PCDHGA1: variants seen among roughly 807,000 people sequenced by gnomAD.
PCDHGA1 encodes the protein protocadherin gamma-A1.
In PCDHGA1, 32 loss-of-function variants were observed where a neutral mutation model predicts 58.0. The ratio of observed to expected loss-of-function variants is 0.55; its 90% CI spans 0.42 to 0.74. The LOEUF (loss-of-function observed/expected upper bound fraction) is 0.74. Among genes scored for constraint, PCDHGA1 ranks in the 30% least tolerant of loss-of-function variants. The pLI, the probability that PCDHGA1 is intolerant of heterozygous loss-of-function variation, is 0.00. For missense variants in PCDHGA1, 1,205 were observed against 1,182.3 expected (o/e 1.02, Z -0.28); for synonymous variants, 498 against 501.1 (o/e 0.99, Z 0.08).
chr5:141,371,562 T>G, intron 1 of PCDHGA1: 1 of 1,613,852 alleles, frequency 6.2e-7, no homozygotes, highest in Non-Finnish European at 8.5e-7. Context: ...AAAAGGAAAC[T>G]TCCCCTTTAA....
intron 1 of PCDHGA1, chr5:141,375,334 G>C (rs1417595608): frequency 1.9e-6 from 3 of 1,613,802 alleles, no homozygotes; most frequent in East Asian, 2.2e-5. Context: ...AGGTATTCTT[G>C]TACAACATCA....
chr5:141,372,920 T>A (rs1390656899), intron 1 of PCDHGA1: 22 of 1,005,592 alleles, frequency 2.2e-5, no homozygotes, highest in Non-Finnish European at 3.0e-5. Context: ...ATTTTATTGA[T>A]TTTCTGGTGT....
chr5:141,413,747 A>C, intron 1 of PCDHGA1: 1 of 1,613,348 alleles, frequency 6.2e-7, no homozygotes. Flanking sequence ...AGCCGTGCCA[A>C]TGGCGTCAAG....
intron 1 of PCDHGA1, chr5:141,405,031 CGTT>C: frequency 6.2e-7 from 1 of 1,613,968 alleles, no homozygotes; most frequent in Admixed American, 1.7e-5. Flanking sequence ...CCCTCTACCT[CGTT>C]GTGGCTGTGG....
At chr5:141,390,486 G>A (rs1348752991) in intron 1 of PCDHGA1, 3 of 649,258 alleles carry the variant, frequency 4.6e-6, no homozygotes, top group Non-Finnish European at 7.7e-6. Context: ...ACATTTGTTT[G>A]TTTTTTAGCC....
At chr5:141,357,171 C>A (rs1043830490) in intron 1 of PCDHGA1, 1 of 1,613,704 alleles carries the variant, frequency 6.2e-7, no homozygotes. Context: ...TCTCGGCCAC[C>A]GTCACACTCA....
At chr5:141,350,225 T>C in intron 1 of PCDHGA1, 1 of 1,498,610 alleles carries the variant, frequency 6.7e-7, no homozygotes, top group Non-Finnish European at 8.9e-7. Flanking sequence ...TTGAAAAACA[T>C]CCCAGAGGAA....
At chr5:141,450,055 G>A (rs1325291695) in intron 1 of PCDHGA1, among the ~76,000 whole-genome samples, 2 of 137,594 alleles carry the variant, frequency 1.5e-5, no homozygotes, top group Non-Finnish European at 3.0e-5. Flanking sequence ...CGCCCAGGCT[G>A]GAATGCAGTG....
chr5:141,407,591 C>T (rs878883569), intron 1 of PCDHGA1, among the ~76,000 whole-genome samples: 1 of 151,680 alleles, frequency 6.6e-6, no homozygotes, highest in Non-Finnish European at 1.5e-5. Flanking sequence ...CTTAATGTCT[C>T]ATCTTAAAAA....
At position 141,477,868 on chromosome 5, in the gene PCDHGA1, C is replaced by G; in HGVS notation, c.2422-16939C>G. Reference sequence around the variant, plus strand: ...CGGTGGAGATGCTGCCTCGAGGTACCTCAGCTGGCCACCTAGTGTCACGGG... The same window carrying G: ...CGGTGGAGATGCTGCCTCGAGGTACGTCAGCTGGCCACCTAGTGTCACGGG... On this transcript the variant is annotated intron_variant, in intron 1 of 3. Coordinates refer to ENST00000517417, the MANE Select transcript of PCDHGA1 (RefSeq NM_018912.3). The surrounding 1 kb of genome is among the most constrained non-coding windows in gnomAD (Gnocchi z 4.9). 1 of 1,613,750 alleles carries G rather than the reference C, an allele frequency of 6.2e-7. No individual in the cohort carries two copies. Among genetic ancestry groups the G allele is most frequent in the Non-Finnish European group, 8.5e-7 (1 of 1,179,908 alleles).
chr5:141,409,912 C>A (rs775668669), intron 1 of PCDHGA1: 2 of 1,613,180 alleles, frequency 1.2e-6, no homozygotes, highest in African/African-American at 2.7e-5. Flanking sequence ...TGGGTCCTGA[C>A]GGCTCCGCGT....
At chr5:141,405,659 G>T (rs867774573) in intron 1 of PCDHGA1, among the ~76,000 whole-genome samples, 1 of 152,106 alleles carries the variant, frequency 6.6e-6, no homozygotes, top group East Asian at 1.9e-4. Flanking sequence ...TGTGTTTTTA[G>T]TAGAGACGGG....
chr5:141,451,112 G>A (rs776356458), intron 1 of PCDHGA1, among the ~76,000 whole-genome samples: 9 of 152,236 alleles, frequency 5.9e-5, no homozygotes, highest in Admixed American at 1.3e-4. Flanking sequence ...ACAGGCGTGA[G>A]CCACCACACC....
intron 1 of PCDHGA1, chr5:141,400,422 T>C (rs1460679509): frequency 1.2e-6 from 2 of 1,613,936 alleles, no homozygotes; most frequent in Non-Finnish European, 1.7e-6. Flanking sequence ...TCCTAAAATG[T>C]AGTGAGCAAT....
chr5:141,506,372 C>A (rs1243713695), intron 3 of PCDHGA1, among the ~76,000 whole-genome samples: 1 of 151,402 alleles, frequency 6.6e-6, no homozygotes, highest in Non-Finnish European at 1.5e-5. Context: ...TCGCTTGAAC[C>A]TGGGAGGTGG....
At chr5:141,361,983 C>T (rs1762266542) in intron 1 of PCDHGA1, 2 of 1,601,638 alleles carry the variant, frequency 1.2e-6, no homozygotes, top group East Asian at 2.2e-5. Flanking sequence ...AGCCCGGGCT[C>T]TTCAGCCTGG....
rs767983504 is a variant in PCDHGA1, at chr5:141,393,225, C to T, written c.2421+60120C>T. On this transcript the variant is annotated intron_variant, in intron 1 of 3. Coordinates refer to ENST00000517417, the MANE Select transcript of PCDHGA1 (RefSeq NM_018912.3). ...TAACCCAAAATTCCAGGTCGAAGATCTAGAAGTAAAAATTAACGAAATCGC... is the reference window on the plus strand; with the variant it reads ...TAACCCAAAATTCCAGGTCGAAGATTTAGAAGTAAAAATTAACGAAATCGC... 7 of 1,613,552 alleles carry T rather than the reference C, an allele frequency of 4.3e-6. No individual in the cohort carries two copies. The South Asian group carries it at 5.5e-5, about 13-fold the overall frequency.
At chr5:141,339,065 C>G in intron 1 of PCDHGA1, 1 of 1,613,574 alleles carries the variant, frequency 6.2e-7, no homozygotes, top group Non-Finnish European at 8.5e-7. Context: ...CGGGCAGATT[C>G]GCTATTCTGT....
chr5:141,418,677 T>A (rs1717013168), intron 1 of PCDHGA1: 1 of 1,613,930 alleles, frequency 6.2e-7, no homozygotes, highest in African/African-American at 1.3e-5. Flanking sequence ...GACGAGGGCA[T>A]CAACTCAGAG....
Sources: gnomAD v4.1 joint callset for allele counts (sites outside exome capture counted in the v4.1 genomes callset) on GRCh38, gnomAD v4.1.1 for gene constraint, Gnocchi (gnomAD v3.1) non-coding constraint, MANE v1.5 for transcripts, NCBI Gene and HGNC (gene_info 2026-07-23, HGNC 2026-07-21) for gene names.